Variants in HDAC4 observed in about 807,000 individuals in gnomAD.
The protein encoded by HDAC4 is histone deacetylase A.
Under a neutral mutation model 135.1 loss-of-function variants are expected in HDAC4, and 16 were observed. The observed-to-expected ratio is 0.12, with a 90% CI of 0.08 to 0.18. HDAC4 has a LOEUF of 0.18. Ranked by LOEUF, HDAC4 falls within the 10% of genes least tolerant of loss-of-function variation. The probability of loss-of-function intolerance (pLI) is 1.00; values close to 1 mark genes in which losing one functional copy is unlikely to be tolerated. For synonymous variants in HDAC4, 685 were observed against 653.4 expected, an observed-to-expected ratio of 1.05 and a Z score of -0.74; for missense variants, 1,143 against 1,511.8, an observed-to-expected ratio of 0.76 and a Z score of 4.05.
At chr2:239,177,641 C>T (rs1005992847) in intron 4 of HDAC4, among the ~76,000 whole-genome samples, 31 of 152,194 alleles carry the variant, frequency 2.0e-4, no homozygotes, top group African/African-American at 7.2e-4. Context: ...CAAAAACTGA[C>T]GTCGACATAA....
Position 239,164,026 on chromosome 2 carries a change from T to A in HDAC4, c.491-103A>T, listed in dbSNP as rs932114438. On this transcript the variant is annotated intron_variant, in intron 5 of 26. Coordinates refer to ENST00000543185, the MANE Select transcript of HDAC4 (RefSeq NM_001378414.1). ...GAGGGAGGGAAGGGCTGGGGACGGC[T>A]ATGCACCTTCAGGACGCTGTGGCCT... 8 of 1,432,586 alleles carry A rather than the reference T, an allele frequency of 5.6e-6. No individual in the cohort carries two copies. The African/African-American group carries it at 1.1e-4, about 20-fold the overall frequency. 88.7% of individuals were successfully genotyped at this position (1,432,586 alleles called of 1,614,324 possible). A position where few individuals can be genotyped will look rare whatever the true frequency, so the allele number is the denominator to read the frequency against.
At chr2:239,053,876 C>T (rs2031319870) in intron 25 of HDAC4, among the ~76,000 whole-genome samples, 1 of 152,144 alleles carries the variant, frequency 6.6e-6, no homozygotes, top group Admixed American at 6.5e-5. Flanking sequence ...CTCCTGTAGG[C>T]CTGGCTTTCC....
intron 2 of HDAC4, among the ~76,000 whole-genome samples, chr2:239,281,921 C>CACAATGTACACACCACTCTGCAA (rs1410441192): frequency 2.1e-4 from 31 of 147,184 alleles, no homozygotes; most frequent in African/African-American, 7.5e-4. Flanking sequence ...CCACACTACA[C>CACAATGTACACACCACTCTGCAA]ACAATGTACA....
chr2:239,299,362 G>A lies in HDAC4; in HGVS notation c.22+53316C>T, dbSNP rs931368741. On this transcript the variant is annotated intron_variant, in intron 2 of 26. Coordinates refer to ENST00000543185, the MANE Select transcript of HDAC4 (RefSeq NM_001378414.1). The surrounding 1 kb of genome is among the most constrained non-coding windows in gnomAD (Gnocchi z 4.0). ...AGATATTTAAGTACAGGGACAGAGCGTGGTGCAATGATCAGGACGGAGGTG... is the reference window on the plus strand; with the variant it reads ...AGATATTTAAGTACAGGGACAGAGCATGGTGCAATGATCAGGACGGAGGTG... Among the ~76,000 whole-genome samples, 4 of 152,162 alleles carry A rather than the reference G, an allele frequency of 2.6e-5. No individual in the cohort carries two copies. The highest frequency in any genetic ancestry group is 7.2e-5 in the African/African-American group (3 of 41,426).
intron 2 of HDAC4, among the ~76,000 whole-genome samples, chr2:239,289,864 A>T (rs1263825434): frequency 6.6e-6 from 1 of 152,138 alleles, no homozygotes; most frequent in Non-Finnish European, 1.5e-5. Context: ...ATAAACCCTC[A>T]CTTCATAATC....
rs370713015 is a variant in HDAC4, at chr2:239,111,507, C to T, written c.1978+19G>A. 4 of 1,608,102 alleles carry T rather than the reference C, an allele frequency of 2.5e-6. No individual in the cohort carries two copies. The highest frequency in any genetic ancestry group is 3.4e-6 in the Non-Finnish European group (4 of 1,178,090). ...TGGCCCGCGTTGCACCCTCAGGCTGCACAAAGGCCACGTGTTACCTGTCGT... is the reference window on the plus strand; with the variant it reads ...TGGCCCGCGTTGCACCCTCAGGCTGTACAAAGGCCACGTGTTACCTGTCGT... On this transcript the variant is annotated intron_variant, in intron 14 of 26. Transcript: ENST00000543185.
intron 1 of HDAC4, among the ~76,000 whole-genome samples, chr2:239,378,722 C>G (rs1695203796): frequency 6.6e-6 from 1 of 152,120 alleles, no homozygotes; most frequent in South Asian, 2.1e-4. Context: ...GAACCAATAA[C>G]CCCAGGAACC....
At chr2:239,256,834 A>G (rs1048581640) in intron 2 of HDAC4, among the ~76,000 whole-genome samples, 1 of 152,204 alleles carries the variant, frequency 6.6e-6, no homozygotes, top group African/African-American at 2.4e-5. Flanking sequence ...GAGTACCTGG[A>G]AACAGTTTGA....
At chr2:239,362,670 G>A (rs1025987963) in intron 1 of HDAC4, among the ~76,000 whole-genome samples, 1 of 152,136 alleles carries the variant, frequency 6.6e-6, no homozygotes, top group Non-Finnish European at 1.5e-5. Flanking sequence ...ACACAAAGGA[G>A]AGCAGCCTGC....
chr2:239,126,629 C>T lies in HDAC4; in HGVS notation c.1360G>A (p.Val454Met), dbSNP rs750812086. The T allele has an allele frequency of 9.7e-5, 156 of 1,614,032 alleles. No individual in the cohort carries two copies. Among genetic ancestry groups the T allele is most frequent in the Admixed American group, 9.2e-4 (55 of 60,026 alleles). Residue 454 changes from valine (V) to methionine (M), a missense_variant, in exon 12 of 27, where the codon GTG (valine) becomes ATG (methionine). Physicochemically the swap from Val to Met is conservative, Grantham distance 21. Around this residue, in one of 9 missense-constraint regions of HDAC4, gnomAD observed 272 missense variants for 309.7 expected, o/e 0.88. Coordinates refer to ENST00000543185, the MANE Select transcript of HDAC4 (RefSeq NM_001378414.1). Reference sequence around the variant, plus strand: ...CGCAGCTTGTGGATGGAGGGGGACACCCGGTCTGCACCAACCAAGGACTGT... The same window carrying T: ...CGCAGCTTGTGGATGGAGGGGGACATCCGGTCTGCACCAACCAAGGACTGT... ...HAQSLVGADR[V>M]SPSIHKLRQH...
intron 12 of HDAC4, among the ~76,000 whole-genome samples, chr2:239,123,499 G>T (rs963955339): frequency 5.3e-5 from 8 of 152,246 alleles, no homozygotes; most frequent in African/African-American, 1.9e-4. Context: ...CCACCCTGGA[G>T]CAAGGCCCCA....
intron 3 of HDAC4, among the ~76,000 whole-genome samples, chr2:239,198,802 C>G (rs1348667591): frequency 6.6e-6 from 1 of 152,062 alleles, no homozygotes; most frequent in Non-Finnish European, 1.5e-5. Context: ...TGAGAAATTC[C>G]AAAAATACAC....
At chr2:239,384,227 G>A (rs1251673470) in intron 1 of HDAC4, among the ~76,000 whole-genome samples, 2 of 152,188 alleles carry the variant, frequency 1.3e-5, no homozygotes, top group African/African-American at 4.8e-5. Context: ...TGGGATACCT[G>A]CGTGGGCTGA....
chr2:239,121,010 T>G (rs1225506908), intron 12 of HDAC4, among the ~76,000 whole-genome samples: 2 of 151,710 alleles, frequency 1.3e-5, no homozygotes, highest in South Asian at 2.1e-4. Flanking sequence ...CTTTTTTTTT[T>G]TTTTTGAGAC....
At chr2:239,372,279 C>T (rs1694676167) in intron 1 of HDAC4, among the ~76,000 whole-genome samples, 1 of 152,330 alleles carries the variant, frequency 6.6e-6, no homozygotes, top group Admixed American at 6.5e-5. Flanking sequence ...TGGAAGGGCC[C>T]AGCTACTCAT....
chr2:239,111,184 G>A (rs929424093), intron 14 of HDAC4, among the ~76,000 whole-genome samples: 4 of 152,254 alleles, frequency 2.6e-5, no homozygotes, highest in South Asian at 2.1e-4. Context: ...GCGGAGAAGC[G>A]TGGGCTCATG....
intron 1 of HDAC4, among the ~76,000 whole-genome samples, chr2:239,380,852 A>G (rs1398457066): frequency 6.6e-6 from 1 of 152,054 alleles, no homozygotes; most frequent in African/African-American, 2.4e-5. Flanking sequence ...CTCGGCCTTC[A>G]CGTCCCATCT....
intron 16 of HDAC4, among the ~76,000 whole-genome samples, chr2:239,097,408 G>A (rs918328867): frequency 1.3e-5 from 2 of 152,204 alleles, no homozygotes; most frequent in Admixed American, 1.3e-4. Flanking sequence ...CATGGCTCAC[G>A]GACCCGCCAC....
In HDAC4 at chr2:239,056,155, T is replaced by G. The variant is rs77857703; in HGVS notation, c.3004-1322A>C. Among the ~76,000 whole-genome samples, 1,305 of 152,244 alleles carry G rather than the reference T, an allele frequency of 8.6e-3. 15 individuals carry two copies. The highest frequency in any genetic ancestry group is 0.03 in the African/African-American group (1,230 of 41,538). On this transcript the variant is annotated intron_variant, in intron 24 of 26. Transcript: ENST00000543185. ...AGCAGGGCCTCTTTGGAGGCACACA[T>G]ACCCACAGCAGGCTTCAAATGAGCA...
Sources: allele counts gnomAD v4.1 joint callset (sites outside exome capture counted in the v4.1 genomes callset), GRCh38; gene constraint gnomAD v4.1.1; regional missense constraint gnomAD v4.1.1; non-coding constraint Gnocchi (gnomAD v3.1); transcripts MANE v1.5; gene names NCBI Gene and HGNC (gene_info 2026-07-23, HGNC 2026-07-21).